WDPCP: variants seen among roughly 807,000 people sequenced by gnomAD.
WDPCP encodes the protein WD repeat-containing and planar cell polarity effector protein fritz homolog.
WDPCP carries 71 observed loss-of-function variants against 93.1 expected under a neutral mutation model. That is an observed-to-expected ratio of 0.76 (90% CI 0.63 to 0.93). WDPCP has a LOEUF of 0.93. WDPCP is among the 40% of genes least tolerant of loss of function. The probability of loss-of-function intolerance (pLI) is 0.00; values close to 1 mark genes in which losing one functional copy is unlikely to be tolerated. For missense variants in WDPCP, 844 were observed against 887.4 expected (o/e 0.95, Z 0.62); for synonymous variants, 315 against 315.0 (o/e 1.00, Z 0.00).
Position 63,526,731 on chromosome 2 carries a change from G to A in WDPCP, c.76-33791C>T, listed in dbSNP as rs1190001674. ...TGATTCAGATCTCTTTGCAAATGTT[G>A]TTTCTTCCTAAAAGTCTTCTCCAAT... On this transcript the variant is annotated intron_variant, in intron 1 of 17. Coordinates refer to ENST00000272321, the MANE Select transcript of WDPCP (RefSeq NM_015910.7). 1.3e-5 allele frequency among the ~76,000 whole-genome samples: 2 copies of A among 152,038 alleles called. 1 individual carries two copies. Among genetic ancestry groups the A allele is most frequent in the Admixed American group, 1.3e-4 (2 of 15,266 alleles).
At chr2:63,501,254 T>C (rs1214245780) in intron 1 of WDPCP, among the ~76,000 whole-genome samples, 2 of 152,116 alleles carry the variant, frequency 1.3e-5, no homozygotes, top group African/African-American at 2.4e-5. Flanking sequence ...CTTTAGAACC[T>C]AAAAGTGTGC....
At chr2:63,178,056 T>C (rs922537703) in intron 14 of WDPCP, among the ~76,000 whole-genome samples, 17 of 152,176 alleles carry the variant, frequency 1.1e-4, no homozygotes, top group African/African-American at 4.1e-4. Context: ...ATCCTTACTT[T>C]ACATCAGTAA....
chr2:63,725,104 ATTGT>A (rs111915929), intron 2 of WDPCP, among the ~76,000 whole-genome samples: 2,535 of 152,184 alleles, frequency 0.017, 21 homozygotes, highest in African/African-American at 0.017. Context: ...ACCTGGGGAA[ATTGT>A]TTGTCACAAG....
chr2:63,680,231 G>A (rs1051252419), intron 2 of WDPCP, among the ~76,000 whole-genome samples: 8 of 152,188 alleles, frequency 5.3e-5, no homozygotes, highest in Non-Finnish European at 1.2e-4. Flanking sequence ...GAGCAATCAC[G>A]GTACCTGGTT....
intron 2 of WDPCP, among the ~76,000 whole-genome samples, chr2:63,769,152 T>C (rs1262600515): frequency 6.6e-6 from 1 of 151,966 alleles, no homozygotes; most frequent in African/African-American, 2.4e-5. Context: ...AACTGTAGGC[T>C]TTCTTATTAT....
intron 6 of WDPCP, among the ~76,000 whole-genome samples, chr2:63,471,260 T>C (rs938237395): frequency 2.0e-5 from 3 of 152,192 alleles, no homozygotes; most frequent in African/African-American, 7.2e-5. Context: ...ATGCATTGAG[T>C]GAATGAATGG....
At chr2:63,659,569 G>T (rs1012346884) in intron 2 of WDPCP, among the ~76,000 whole-genome samples, 4 of 152,192 alleles carry the variant, frequency 2.6e-5, no homozygotes, top group African/African-American at 9.6e-5. Context: ...AACCAAAAAA[G>T]GCCTATACAC....
intron 12 of WDPCP, among the ~76,000 whole-genome samples, chr2:63,341,841 A>T (rs1688862607): frequency 6.6e-6 from 1 of 152,172 alleles, no homozygotes; most frequent in Non-Finnish European, 1.5e-5. Context: ...ATTTGTTATT[A>T]GTACAGCCAC....
chr2:63,200,442 G>A (rs1429102453), intron 14 of WDPCP, among the ~76,000 whole-genome samples: 1 of 152,156 alleles, frequency 6.6e-6, no homozygotes, highest in Non-Finnish European at 1.5e-5. Context: ...AGCAACCTAA[G>A]TGTCCATTAG....
intron 1 of WDPCP, among the ~76,000 whole-genome samples, chr2:63,548,474 A>G (rs1475365163): frequency 1.3e-5 from 2 of 152,184 alleles, no homozygotes; most frequent in East Asian, 1.9e-4. Context: ...AAAAAAAATC[A>G]TAATAGATAT....
At chr2:63,489,224 AG>A (rs1293568522) in intron 2 of WDPCP, among the ~76,000 whole-genome samples, 10 of 152,096 alleles carry the variant, frequency 6.6e-5, no homozygotes, top group Admixed American at 6.6e-5. Flanking sequence ...AATAAAAAAT[AG>A]GGGAGCTCCA....
intron 2 of WDPCP, among the ~76,000 whole-genome samples, chr2:63,652,667 C>G (rs768350046): frequency 5.3e-5 from 8 of 152,124 alleles, no homozygotes; most frequent in Non-Finnish European, 1.0e-4. Flanking sequence ...AATGCAGGAA[C>G]CTGAGGATAA....
At chr2:63,715,360 T>C (rs1444573230) in intron 2 of WDPCP, among the ~76,000 whole-genome samples, 2 of 152,246 alleles carry the variant, frequency 1.3e-5, no homozygotes, top group Non-Finnish European at 2.9e-5. Context: ...TTAAGTATGA[T>C]GCAACTCAGA....
At chr2:63,657,830 A>G (rs1171066247) in intron 2 of WDPCP, among the ~76,000 whole-genome samples, 1 of 152,182 alleles carries the variant, frequency 6.6e-6, no homozygotes, top group Non-Finnish European at 1.5e-5. Context: ...AGAGTCCCTC[A>G]GTCTGGTTCC....
At position 63,823,124 on chromosome 2, in the gene WDPCP, A is replaced by G. The variant is rs968313041; in HGVS notation, n.222+4498T>C. On this transcript the variant is annotated intron_variant and non_coding_transcript_variant, in intron 1 of 4. Transcript: ENST00000467687. ...TTTTTCCTCACTTTCATTTTGTAAA[A>G]TTTCAAGCCTACTTTACTGTTTGTA... Among the ~76,000 whole-genome samples, 52 of 150,784 alleles carry G rather than the reference A, an allele frequency of 3.4e-4. 1 individual carries two copies. Among genetic ancestry groups the G allele is most frequent in the African/African-American group, 1.2e-3 (49 of 41,162 alleles).
intron 13 of WDPCP, among the ~76,000 whole-genome samples, chr2:63,305,590 A>G (rs999814637): frequency 4.6e-5 from 7 of 152,236 alleles, no homozygotes; most frequent in Non-Finnish European, 4.4e-5. Context: ...AAATCCACAA[A>G]GATGAGGAAA....
At chr2:63,345,191 A>G (rs929567891) in intron 12 of WDPCP, among the ~76,000 whole-genome samples, 1 of 152,158 alleles carries the variant, frequency 6.6e-6, no homozygotes, top group Non-Finnish European at 1.5e-5. Context: ...ATTACACAGA[A>G]AATTTACTAC....
At chr2:63,374,266 A>G (rs1691656646) in intron 12 of WDPCP, among the ~76,000 whole-genome samples, 1 of 152,164 alleles carries the variant, frequency 6.6e-6, no homozygotes, top group Non-Finnish European at 1.5e-5. Context: ...TGTGAGCCAG[A>G]GGATGCCCTC....
At position 63,627,215 on chromosome 2, in the gene WDPCP, A is replaced by G. The variant is rs1377596738; in HGVS notation, n.488+23444T>C. Among the ~76,000 whole-genome samples the G allele has an allele frequency of 2.0e-5, 3 of 152,332 alleles. No homozygotes were observed. In the East Asian group the frequency reaches 5.8e-4, roughly 29 times the overall value. ...TTAGTTGAAAAGACAAAGCTCATGT[A>G]TTGTCAACCTCCCCCAAGATTGTCA... On this transcript the variant is annotated intron_variant and non_coding_transcript_variant, in intron 3 of 4. Transcript: ENST00000467687.
Sources: allele counts gnomAD v4.1 joint callset (sites outside exome capture counted in the v4.1 genomes callset), GRCh38; gene constraint gnomAD v4.1.1; transcripts MANE v1.5; gene names NCBI Gene and HGNC (gene_info 2026-07-23, HGNC 2026-07-21).